The following USP31 variants were observed in gnomAD, a reference collection of about 807,000 sequenced individuals.
USP31 encodes the protein ubiquitin specific peptidase 31.
In USP31, 44 loss-of-function variants were observed where a neutral mutation model predicts 119.4. The ratio of observed to expected loss-of-function variants is 0.37; its 90% CI spans 0.29 to 0.47. The LOEUF (loss-of-function observed/expected upper bound fraction) is 0.47, where lower values mean the gene tolerates loss of function less well. Among genes scored for constraint, USP31 ranks in the 20% least tolerant of loss-of-function variants. The pLI is 0.99. For synonymous variants in USP31, 749 were observed against 705.6 expected, an observed-to-expected ratio of 1.06 and a Z score of -0.97; for missense variants, 1,643 against 1,730.2, an observed-to-expected ratio of 0.95 and a Z score of 0.89.
chr16:23,089,184 G>A (rs60796341), intron 7 of USP31, among the ~76,000 whole-genome samples: 41,530 of 151,870 alleles, frequency 0.27, 6,123 homozygotes, highest in Admixed American at 0.35. Context: ...TGCATGTACC[G>A]GGTGTTCCCT....
At position 23,118,814 on chromosome 16, in the gene USP31, T is replaced by G. The variant is rs553621590; in HGVS notation, c.634-10631A>C. Among the ~76,000 whole-genome samples the G allele has an allele frequency of 2.0e-5, 3 of 152,058 alleles. No individual in the cohort carries two copies. The East Asian group carries it at 5.9e-4, about 30-fold the overall frequency. ...CTTATAGATGTTATTTTCTATAAAATTCACCCTTAATGGCTGGGTGCAGTG... is the reference window on the plus strand; with the variant it reads ...CTTATAGATGTTATTTTCTATAAAAGTCACCCTTAATGGCTGGGTGCAGTG... On this transcript the variant is annotated intron_variant, in intron 1 of 15. Transcript: ENST00000219689.
At position 23,073,759 on chromosome 16, in the gene USP31, T is replaced by C. The variant is rs142924507; in HGVS notation, c.2298A>G (p.Thr766=). The C allele has an allele frequency of 9.9e-6, 16 of 1,613,366 alleles. No individual in the cohort carries two copies. The highest frequency in any genetic ancestry group is 1.3e-5 in the Non-Finnish European group (15 of 1,179,944). Residue 766 remains threonine (T), a synonymous_variant, in exon 14 of 16, where the codon ACA becomes ACG. Transcript: ENST00000219689. ...TAYILFYQRR[T]AIPSWSANSS... is the part of the protein sequence containing the mutation. ...TGTTGGCTGACCATGACGGGATGGC[T>C]GTCCGCCTCTGGTAGAAGAGGATGT...
At chr16:23,107,681 A>T (rs1360330613) in intron 2 of USP31, among the ~76,000 whole-genome samples, 1 of 152,216 alleles carries the variant, frequency 6.6e-6, no homozygotes, top group Non-Finnish European at 1.5e-5. Context: ...CGTTTCCTTT[A>T]TGATTGTGTA....
chr16:23,068,536 C>T lies in USP31; in HGVS notation c.3569G>A (p.Arg1190Lys), dbSNP rs779734096. The T allele has an allele frequency of 2.5e-6, 4 of 1,613,822 alleles. No individual in the cohort carries two copies. The highest frequency in any genetic ancestry group is 1.7e-5 in the Admixed American group (1 of 59,996). ...RVSQARAGEG[R>K]GAGKHVRSSS... ...GCTCCGCACGTGCTTCCCGGCCCCC[C>T]TGCCCTCCCCTGCTCGGGCCTGGCT... The change falls in exon 16 of 16, where the codon AGG becomes AAG. Residue 1190 changes from arginine to lysine, a missense_variant. Arg to Lys is a conservative substitution (Grantham distance 26). Around this residue, in one of 5 missense-constraint regions of USP31, gnomAD observed 699 missense variants for 650.9 expected, o/e 1.07. Coordinates refer to ENST00000219689, the MANE Select transcript of USP31 (RefSeq NM_020718.4).
At chr16:23,139,159 T>A (rs559159469) in intron 1 of USP31, among the ~76,000 whole-genome samples, 1 of 152,156 alleles carries the variant, frequency 6.6e-6, no homozygotes, top group Non-Finnish European at 1.5e-5. Flanking sequence ...TCGCAACACT[T>A]TGGGAGGCCG....
At chr16:23,107,916 C>T in intron 2 of USP31, 130 bp downstream of exon 2, 6 of 1,106,036 alleles carry the variant, frequency 5.4e-6, no homozygotes, top group Non-Finnish European at 7.4e-6. Flanking sequence ...CTTTAAGTAG[C>T]CACTGAATCT....
Position 23,066,163 on chromosome 16 carries a change from G to A in USP31, c.*1883C>T, listed in dbSNP as rs11867044. ...GAACAGTAAAACCAGGACAGCGAGT[G>A]AAGAAGTGAGTACAGGGCTGAGTGC... On this transcript the variant is annotated 3_prime_UTR_variant, in exon 16 of 16. Transcript: ENST00000219689. 3,804 of 152,452 alleles carry A rather than the reference G, an allele frequency of 0.025. 58 individuals are homozygous for A. Among genetic ancestry groups the A allele is most frequent in the African/African-American group, 0.041 (1,683 of 41,532 alleles). The allele number at this position is 152,452 out of a possible 1,614,324, so 9.4% of individuals were successfully genotyped here.
At chr16:23,083,593 AT>A in intron 11 of USP31, among the ~76,000 whole-genome samples, 1 of 148,230 alleles carries the variant, frequency 6.7e-6, no homozygotes. Flanking sequence ...CTCCAAAGTC[AT>A]TAAAAAAAAA....
chr16:23,120,430 T>A (rs1459634202), intron 1 of USP31, among the ~76,000 whole-genome samples: 1 of 152,236 alleles, frequency 6.6e-6, no homozygotes, highest in African/African-American at 2.4e-5. Context: ...GACAGACCTA[T>A]GGAGCTTTAA....
chr16:23,072,796 T>C (rs889541883), intron 14 of USP31, among the ~76,000 whole-genome samples: 1 of 152,124 alleles, frequency 6.6e-6, no homozygotes, highest in Non-Finnish European at 1.5e-5. Context: ...CTGTCTCAAG[T>C]AGACCTCAAG....
At chr16:23,101,994 A>AC (rs1901892470) in intron 6 of USP31, among the ~76,000 whole-genome samples, 1 of 150,598 alleles carries the variant, frequency 6.6e-6, no homozygotes, top group East Asian at 1.9e-4. Flanking sequence ...AAAAAAAAAA[A>AC]ACCTATGGCA....
At chr16:23,107,992 A>C (rs970706502) in intron 2 of USP31, 54 bp downstream of exon 2, 3 of 1,555,306 alleles carry the variant, frequency 1.9e-6, no homozygotes, top group Non-Finnish European at 2.6e-6. Flanking sequence ...TCAGTAGAAG[A>C]ATCTACACAC....
chr16:23,148,588 T>A, intron 1 of USP31, 50 bp downstream of exon 1: 1 of 1,411,786 alleles, frequency 7.1e-7, no homozygotes, highest in South Asian at 1.6e-5. Context: ...GGCGGGCAGG[T>A]GCCCCAGGGG....
chr16:23,093,160 C>A (rs541957180), intron 6 of USP31, among the ~76,000 whole-genome samples: 5 of 151,970 alleles, frequency 3.3e-5, no homozygotes, highest in African/African-American at 9.7e-5. Flanking sequence ...AAATTATGAG[C>A]AACAAAAGAA....
intron 12 of USP31, among the ~76,000 whole-genome samples, chr16:23,081,299 TCAGC>T (rs1319361511): frequency 1.3e-5 from 2 of 152,186 alleles, no homozygotes; most frequent in African/African-American, 4.8e-5. Context: ...ATCCAAACCC[TCAGC>T]CAGCTTTCCA....
intron 1 of USP31, among the ~76,000 whole-genome samples, chr16:23,129,702 A>G (rs1902967914): frequency 6.6e-6 from 1 of 152,208 alleles, no homozygotes; most frequent in Admixed American, 6.5e-5. Flanking sequence ...TATTATTACT[A>G]TTATTTAAAC....
chr16:23,114,708 T>C (rs1158201826), intron 1 of USP31, among the ~76,000 whole-genome samples: 2 of 152,206 alleles, frequency 1.3e-5, no homozygotes, highest in Non-Finnish European at 1.5e-5. Context: ...ACAACATGTT[T>C]GTTGGGCACG....
rs1903621006 is a variant in USP31 at position 23,148,939 on chromosome 16, G to A, written c.332C>T (p.Pro111Leu). ...GCAAGCGGGCGGCGCGGGAGAGGCGGGCGGCGGCGGGCACGGCGGCGGCGT... is the reference window on the plus strand; with the variant it reads ...GCAAGCGGGCGGCGCGGGAGAGGCGAGCGGCGGCGGGCACGGCGGCGGCGT... ...APTPPPCPPPPASPAPPACAA... is the reference protein window; with the variant it reads ...APTPPPCPPPLASPAPPACAA... The change falls in exon 1 of 16, where the codon CCC becomes CTC. Residue 111 changes from proline to leucine, a missense_variant. Pro to Leu is a moderately conservative substitution (Grantham distance 98). Coordinates refer to ENST00000219689, the MANE Select transcript of USP31 (RefSeq NM_020718.4). 7 of 1,121,946 alleles carry A rather than the reference G, an allele frequency of 6.2e-6. No homozygotes were observed. Among genetic ancestry groups the A allele is most frequent in the African/African-American group, 1.7e-5 (1 of 59,890 alleles). 69.5% of individuals were successfully genotyped at this position (1,121,946 alleles called of 1,614,324 possible).
chr16:23,148,947 CGGGCACGGCGGCGGCGT>C lies in USP31; in HGVS notation c.307_323del (p.Thr103AlafsTer63). 9.5e-7 allele frequency: 1 copy of C among 1,050,428 alleles called. No individual in the cohort carries two copies. The highest frequency in any genetic ancestry group is 1.1e-6 in the Non-Finnish European group (1 of 871,702). 65.1% of individuals were successfully genotyped at this position (1,050,428 alleles called of 1,614,324 possible). ...GCGGCGCGGGAGAGGCGGGCGGCGG[CGGGCACGGCGGCGGCGT>C]GGGCGCGGCGGCCGGCCCGGGCGGG... On this transcript the variant is annotated frameshift_variant, in exon 1 of 16. Transcript: ENST00000219689. LOFTEE classifies it high-confidence loss of function.
Sources: allele counts gnomAD v4.1 joint callset (sites outside exome capture counted in the v4.1 genomes callset), GRCh38; gene constraint gnomAD v4.1.1; regional missense constraint gnomAD v4.1.1; transcripts MANE v1.5; gene names NCBI Gene and HGNC (gene_info 2026-07-23, HGNC 2026-07-21).